The following PTPRJ variants were observed in gnomAD, a reference collection of about 807,000 sequenced individuals.
PTPRJ encodes the protein receptor-type tyrosine-protein phosphatase eta.
PTPRJ carries 129 observed loss-of-function variants against 141.3 expected under a neutral mutation model. The observed-to-expected ratio is 0.91, with a 90% CI of 0.79 to 1.06. PTPRJ has a LOEUF of 1.06. Among genes scored for constraint, PTPRJ ranks in the 50% least tolerant of loss-of-function variants. The pLI, the probability that PTPRJ is intolerant of heterozygous loss-of-function variation, is 0.00. For synonymous variants in PTPRJ, 610 were observed against 640.5 expected, an observed-to-expected ratio of 0.95 and a Z score of 0.72; for missense variants, 1,601 against 1,679.7, an observed-to-expected ratio of 0.95 and a Z score of 0.82.
intron 14 of PTPRJ, among the ~76,000 whole-genome samples, chr11:48,145,557 T>TG (rs1491372104): frequency 1.1e-5 from 1 of 88,640 alleles, no homozygotes; most frequent in Non-Finnish European, 2.3e-5. Flanking sequence ...TTTTATTTTA[T>TG]GTTTTTTTTT....
At chr11:48,043,684 C>G (rs1017982297) in intron 1 of PTPRJ, among the ~76,000 whole-genome samples, 11 of 152,124 alleles carry the variant, frequency 7.2e-5, no homozygotes, top group African/African-American at 2.4e-4. Context: ...AGAGATATCT[C>G]AAAATGTCAA....
At chr11:48,052,253 A>T (rs976483236) in intron 1 of PTPRJ, among the ~76,000 whole-genome samples, 1 of 152,252 alleles carries the variant, frequency 6.6e-6, no homozygotes, top group East Asian at 1.9e-4. Flanking sequence ...TAGTAGAGGC[A>T]TGATTCAACT....
intron 1 of PTPRJ, among the ~76,000 whole-genome samples, chr11:47,996,104 C>T (rs746693014): frequency 3.3e-5 from 5 of 151,576 alleles, no homozygotes; most frequent in South Asian, 2.1e-4. Flanking sequence ...GAGGCCAAGG[C>T]GGGTGGATCA....
chr11:48,109,097 G>C (rs561688686), intron 1 of PTPRJ, among the ~76,000 whole-genome samples: 1 of 152,258 alleles, frequency 6.6e-6, no homozygotes, highest in East Asian at 1.9e-4. Context: ...GTGTTTGTGG[G>C]AGGGAATAAA....
intron 12 of PTPRJ, 58 bp from the exon 13 acceptor site, chr11:48,144,617 A>G: frequency 7.4e-7 from 1 of 1,351,298 alleles, no homozygotes; most frequent in Non-Finnish European, 1.1e-6. Flanking sequence ...GATATGCAGG[A>G]GAAGAAATCT....
In PTPRJ at chr11:48,136,299, A is replaced by G; in HGVS notation, c.1873+3A>G. 3 of 1,613,030 alleles carry G rather than the reference A, an allele frequency of 1.9e-6. No individual in the cohort carries two copies. Among genetic ancestry groups the G allele is most frequent in the South Asian group, 2.2e-5 (2 of 91,040 alleles). ...CAACTCCACTGCACAGTACACACGT[A>G]AGTCTCTTAGGATGCCCTTCTAAGG... is the stretch of plus-strand genomic sequence containing the variant. On this transcript the variant is annotated splice_donor_region_variant and intron_variant, in intron 9 of 24. Coordinates refer to ENST00000418331, the MANE Select transcript of PTPRJ (RefSeq NM_002843.4).
intron 24 of PTPRJ, among the ~76,000 whole-genome samples, chr11:48,164,942 G>C (rs993608647): frequency 1.4e-4 from 21 of 152,076 alleles, no homozygotes; most frequent in Non-Finnish European, 4.4e-5. Context: ...GATCTTTCCA[G>C]CTCTTGGCTG....
chr11:47,997,287 T>C (rs1854363214), intron 1 of PTPRJ, among the ~76,000 whole-genome samples: 1 of 152,236 alleles, frequency 6.6e-6, no homozygotes, highest in Non-Finnish European at 1.5e-5. Context: ...TTTGAAGTAC[T>C]GGTGTGGATG....
At chr11:47,996,423 C>T (rs371505951) in intron 1 of PTPRJ, among the ~76,000 whole-genome samples, 1 of 152,148 alleles carries the variant, frequency 6.6e-6, no homozygotes, top group East Asian at 1.9e-4. Context: ...CATGCTCTTC[C>T]CTTATAGCTG....
rs59987198 is a variant in PTPRJ, at chr11:48,051,084, C to CTTTTTTTT, written c.97-58952_97-58945dup. Among the ~76,000 whole-genome samples, 8 of 79,318 alleles carry CTTTTTTTT rather than the reference C, an allele frequency of 1.0e-4. 2 individuals are homozygous for CTTTTTTTT. Among genetic ancestry groups the CTTTTTTTT allele is most frequent in the Admixed American group, 4.8e-4 (3 of 6,274 alleles). 52.0% of individuals were successfully genotyped at this position (79,318 alleles called of 152,430 possible). A position where few individuals can be genotyped will look rare whatever the true frequency, so the allele number is the denominator to read the frequency against. ...GAGGTGATAGCCAGTTAACTGATGACTTTTTTTTTTTTTTTTTTTTTTTTT... is the reference window on the plus strand; with the variant it reads ...GAGGTGATAGCCAGTTAACTGATGACTTTTTTTTTTTTTTTTTTTTTTTTTTTTTTTTT... On this transcript the variant is annotated intron_variant, in intron 1 of 24. Coordinates refer to ENST00000418331, the MANE Select transcript of PTPRJ (RefSeq NM_002843.4).
At chr11:48,028,155 G>C (rs1565265117) in intron 1 of PTPRJ, among the ~76,000 whole-genome samples, 1 of 152,216 alleles carries the variant, frequency 6.6e-6, no homozygotes, top group South Asian at 2.1e-4. Context: ...GTCTTGGTTT[G>C]TTGTTCTGTT....
chr11:48,033,296 T>A (rs1854036093), intron 1 of PTPRJ, among the ~76,000 whole-genome samples: 1 of 151,052 alleles, frequency 6.6e-6, no homozygotes, highest in South Asian at 2.1e-4. Context: ...TGGGGTGGGG[T>A]GGATTTTGGA....
At chr11:48,123,565 G>A in intron 4 of PTPRJ, 48 bp from the exon 5 acceptor site, 2 of 1,564,436 alleles carry the variant, frequency 1.3e-6, no homozygotes, top group Admixed American at 1.9e-5. Context: ...TAATGAAGGT[G>A]ACTGCATATA....
chr11:48,003,578 G>A (rs527808542), intron 1 of PTPRJ, among the ~76,000 whole-genome samples: 42 of 152,170 alleles, frequency 2.8e-4, no homozygotes, highest in African/African-American at 8.7e-4. Flanking sequence ...TCACTGCAAC[G>A]TCCGCCTCCC....
At chr11:48,137,326 G>A in intron 10 of PTPRJ, 45 bp downstream of exon 10, 1 of 1,577,248 alleles carries the variant, frequency 6.3e-7, no homozygotes, top group Non-Finnish European at 8.6e-7. Flanking sequence ...CCTGAGTGGT[G>A]CTGACCTTGC....
At chr11:48,023,787 T>C (rs915405458) in intron 1 of PTPRJ, among the ~76,000 whole-genome samples, 11 of 126,464 alleles carry the variant, frequency 8.7e-5, no homozygotes, top group South Asian at 4.5e-4. Context: ...GACTCAAAAA[T>C]AAATAAATAA....
At chr11:48,159,123 G>GGGTGTGTGTC (rs1555058316) in intron 21 of PTPRJ, among the ~76,000 whole-genome samples, 13,305 of 139,498 alleles carry the variant, frequency 0.095, 1,130 homozygotes, top group East Asian at 0.16. Flanking sequence ...TGTATGTGGG[G>GGGTGTGTGTC]TGTGTGTGTG....
intron 1 of PTPRJ, among the ~76,000 whole-genome samples, chr11:48,047,207 TGCCAG>T (rs961384200): frequency 1.3e-5 from 2 of 152,174 alleles, no homozygotes; most frequent in African/African-American, 4.8e-5. Flanking sequence ...TGAGCCACAG[TGCCAG>T]GCCTTACATA....
At chr11:48,121,798 CT>C (rs200021579) in intron 4 of PTPRJ, among the ~76,000 whole-genome samples, 2 of 151,252 alleles carry the variant, frequency 1.3e-5, no homozygotes, top group East Asian at 1.9e-4. Context: ...GCAAACTTAG[CT>C]TTTTTTTTAA....
Sources: gnomAD v4.1 joint callset for allele counts (sites outside exome capture counted in the v4.1 genomes callset) on GRCh38, gnomAD v4.1.1 for gene constraint, MANE v1.5 for transcripts, NCBI Gene and HGNC (gene_info 2026-07-23, HGNC 2026-07-21) for gene names.